Variants in IRX4 observed in about 807,000 individuals in gnomAD.
IRX4 encodes the protein iroquois homeobox 4.
A neutral mutation model predicts 32.0 loss-of-function variants in IRX4; 22 were observed. That is an observed-to-expected ratio of 0.69 (90% CI 0.49 to 0.98). The LOEUF (loss-of-function observed/expected upper bound fraction) is 0.98, where lower values mean the gene tolerates loss of function less well. Ranked by LOEUF, IRX4 falls within the 50% of genes least tolerant of loss-of-function variation. The pLI is 0.00. For synonymous variants in IRX4, 379 were observed against 351.7 expected (o/e 1.08, Z -0.87); for missense variants, 840 against 744.2 (o/e 1.13, Z -1.50).
rs1029622391 is a variant in IRX4, at chr5:1,881,974, T to G, written c.131A>C (p.Gln44Pro). Residue 44 changes from glutamine (Q) to proline (P), a missense_variant, in exon 2 of 5, where the codon CAG becomes CCG. By Grantham distance (76) the Gln-to-Pro change is moderately conservative. This residue lies in a region of IRX4 where 241 missense variants were observed against 220.8 expected (regional missense o/e 1.09). Coordinates refer to ENST00000231357, the MANE Select transcript of IRX4 (RefSeq NM_016358.3). ...GTAGACCGGGCAGTAGACCGGCGCC[T>G]GGGCCGAGGCGGCGGGCCCGGAGTC... ...LADSGPAASA[Q>P]APVYCPVYES... The G allele has an allele frequency of 6.4e-7, 1 of 1,554,632 alleles. No homozygotes were observed. Among genetic ancestry groups the G allele is most frequent in the Non-Finnish European group, 8.7e-7 (1 of 1,149,636 alleles).
upstream of IRX4, among the ~76,000 whole-genome samples, chr5:1,883,515 C>T (rs1207170881): frequency 1.3e-5 from 2 of 152,238 alleles, no homozygotes; most frequent in Non-Finnish European, 2.9e-5. Flanking sequence ...GGCCGCAAGA[C>T]AGCCCGCAAG....
Position 1,878,385 on chromosome 5 carries a change from C to A in IRX4, c.1144G>T (p.Ala382Ser), listed in dbSNP as rs570462700. The change falls in exon 5 of 5, where the codon GCC (alanine) becomes TCC (serine). Residue 382 changes from alanine (A) to serine (S), a missense_variant. Transcript: ENST00000231357. ...AACTCAGTCTGGCTCAGGGAGGTGG[C>A]GGCGGCGGCGGCGGCGGTGGCTGTG... ...AHTATAAAAA[A>S]TSLSQTEFPS... The A allele has an allele frequency of 7.1e-4, 1,052 of 1,476,480 alleles. 6 individuals are homozygous for A. The African/African-American group carries it at 0.011, about 16-fold the overall frequency. 91.5% of individuals were successfully genotyped at this position (1,476,480 alleles called of 1,614,324 possible).
chr5:1,883,580 C>G (rs2232370), upstream of IRX4, among the ~76,000 whole-genome samples: 1 of 152,224 alleles, frequency 6.6e-6, no homozygotes, highest in Non-Finnish European at 1.5e-5. Flanking sequence ...AGTTGGAGCC[C>G]GACACCCTGA....
upstream of IRX4, among the ~76,000 whole-genome samples, chr5:1,885,919 C>T (rs946831833): frequency 2.0e-5 from 3 of 152,250 alleles, no homozygotes; most frequent in Admixed American, 6.5e-5. Flanking sequence ...TCTAGGGACC[C>T]CCGGTACTAA....
Position 1,879,796 on chromosome 5 carries a change from G to A in IRX4, c.444C>T (p.Asn148=), listed in dbSNP as rs202153663. The A allele has an allele frequency of 4.3e-5, 69 of 1,614,072 alleles. 1 individual carries two copies. In the South Asian group the frequency reaches 6.6e-4, roughly 15 times the overall value. ...GCGTGCTGGTGGTCTCGCGCGTGGC[G>A]TTCTTGCGCCGCGTGCCGCTGTCCA... is the stretch of plus-strand genomic sequence containing the variant. ...GTMDSGTRRK[N]ATRETTSTLK... is the part of the protein sequence containing the mutation. Residue 148 remains asparagine, a synonymous_variant, in exon 4 of 5, where the codon AAC becomes AAT. Transcript: ENST00000231357.
At chr5:1,882,353 TG>T (rs1735480424) in intron 1 of IRX4, among the ~76,000 whole-genome samples, 1 of 152,160 alleles carries the variant, frequency 6.6e-6, no homozygotes, top group Admixed American at 6.5e-5. Flanking sequence ...AGGACTCCCC[TG>T]GGGCACAGCC....
At position 1,882,665 on chromosome 5, in the gene IRX4, G is replaced by C; in HGVS notation, c.-18C>G. Reference sequence around the variant, plus strand: ...TAGGACATGGCGGGCGCGGCCCGGGGCGGACGGGCGGGGCCTGCAGGGTTC... The same window carrying C: ...TAGGACATGGCGGGCGCGGCCCGGGCCGGACGGGCGGGGCCTGCAGGGTTC... On this transcript the variant is annotated 5_prime_UTR_variant, in exon 1 of 5. Transcript: ENST00000231357. 1 of 1,379,482 alleles carries C rather than the reference G, an allele frequency of 7.2e-7. No homozygotes were observed. Among genetic ancestry groups the C allele is most frequent in the South Asian group, 1.7e-5 (1 of 58,614 alleles). 85.5% of individuals were successfully genotyped at this position (1,379,482 alleles called of 1,614,324 possible). A position where few individuals can be genotyped will look rare whatever the true frequency, so the allele number is the denominator to read the frequency against.
chr5:1,880,733 G>A lies in IRX4; in HGVS notation c.399C>T (p.Pro133=), dbSNP rs893580100. The A allele has an allele frequency of 1.2e-6, 2 of 1,612,140 alleles. No individual in the cohort carries two copies. Among genetic ancestry groups the A allele is most frequent in the African/African-American group, 2.7e-5 (2 of 74,908 alleles). The change falls in exon 3 of 5, where the codon CCC becomes CCT. Residue 133 remains proline, a synonymous_variant. Coordinates refer to ENST00000231357, the MANE Select transcript of IRX4 (RefSeq NM_016358.3). Reference sequence around the variant, plus strand: ...GAGGGGTGGGTCCTCACCTGTCATAGGGGTACTGGCCCAGAGCTGGCTCGT... The same window carrying A: ...GAGGGGTGGGTCCTCACCTGTCATAAGGGTACTGGCCCAGAGCTGGCTCGT... ...YPYEPALGQY[P]YDRYGTMDSG...
chr5:1,886,767 G>A (rs1396889924), upstream of IRX4: 1 of 151,870 alleles, frequency 6.6e-6, no homozygotes, highest in African/African-American at 2.4e-5. Flanking sequence ...CAAACGCAGC[G>A]GCCTCTGGAG....
At position 1,878,677 on chromosome 5, in the gene IRX4, G is replaced by T; in HGVS notation, c.852C>A (p.Gly284=). The T allele has an allele frequency of 6.3e-7, 1 of 1,595,576 alleles. No homozygotes were observed. The highest frequency in any genetic ancestry group is 8.5e-7 in the Non-Finnish European group (1 of 1,171,770). Residue 284 remains glycine (G), a synonymous_variant, in exon 5 of 5, where the codon GGC becomes GGA. Coordinates refer to ENST00000231357, the MANE Select transcript of IRX4 (RefSeq NM_016358.3). Reference sequence around the variant, plus strand: ...GCGCGGCGGGGACGCGCTCCAGACCGCCGTCCAGGGAGTGGAAGGGCGGCT... The same window carrying T: ...GCGCGGCGGGGACGCGCTCCAGACCTCCGTCCAGGGAGTGGAAGGGCGGCT... The part of the protein sequence containing the change: ...ELKPPFHSLD[G]GLERVPAAPD...
chr5:1,881,216 T>A (rs1342554948), intron 2 of IRX4: 6 of 230,106 alleles, frequency 2.6e-5, no homozygotes, highest in Non-Finnish European at 4.9e-5. Flanking sequence ...TGGGATGCAC[T>A]CAAGTGGGGA....
chr5:1,879,422 C>G, intron 4 of IRX4, 82 bp downstream of exon 4: 1 of 1,595,030 alleles, frequency 6.3e-7, no homozygotes, highest in African/African-American at 1.3e-5. Flanking sequence ...GTTTGGGACC[C>G]CCAAGACGTC....
At chr5:1,881,301 A>G (rs1735426667) in intron 2 of IRX4, among the ~76,000 whole-genome samples, 1 of 111,772 alleles carries the variant, frequency 8.9e-6, no homozygotes. Flanking sequence ...GGGAGGAGAG[A>G]AATGGGGAGG....
At chr5:1,881,273 G>A (rs1209084457) in intron 2 of IRX4, among the ~76,000 whole-genome samples, 2 of 143,470 alleles carry the variant, frequency 1.4e-5, no homozygotes, top group Non-Finnish European at 3.0e-5. Flanking sequence ...CGAGGGGATG[G>A]AAGCCAGGAG....
chr5:1,881,069 G>GA (rs1735415513), intron 2 of IRX4: 1 of 83,662 alleles, frequency 1.2e-5, no homozygotes, highest in Non-Finnish European at 2.8e-5. Context: ...GTGGGGGGGG[G>GA]CGGGGGGGAG....
chr5:1,880,841 G>A lies in IRX4; in HGVS notation c.298-7C>T, dbSNP rs1735403187. On this transcript the variant is annotated splice_region_variant and splice_polypyrimidine_tract_variant and intron_variant, in intron 2 of 4. Transcript: ENST00000231357. ...CCTTGGAATCAAAGCTGTTCTGTGGGAGCCAAGAGTCTGGGGTCGCAGTTT... is the reference window on the plus strand; with the variant it reads ...CCTTGGAATCAAAGCTGTTCTGTGGAAGCCAAGAGTCTGGGGTCGCAGTTT... The A allele has an allele frequency of 6.2e-7, 1 of 1,611,010 alleles. No individual in the cohort carries two copies. Among genetic ancestry groups the A allele is most frequent in the Non-Finnish European group, 8.5e-7 (1 of 1,177,784 alleles).
chr5:1,886,573 C>T (rs1735638038), upstream of IRX4, among the ~76,000 whole-genome samples: 1 of 152,174 alleles, frequency 6.6e-6, no homozygotes, highest in Admixed American at 6.5e-5. Flanking sequence ...CCCAACCGCC[C>T]TCCATGGGGG....
chr5:1,884,301 C>T (rs1735559896), upstream of IRX4: 1 of 152,268 alleles, frequency 6.6e-6, no homozygotes, highest in African/African-American at 2.4e-5. Flanking sequence ...CTGTGAATCG[C>T]CCCAGGGTCA....
At chr5:1,879,999 G>T (rs1735373919) in intron 3 of IRX4, 167 bp from the exon 4 acceptor site, 5 of 1,500,052 alleles carry the variant, frequency 3.3e-6, no homozygotes, top group Admixed American at 2.0e-5. Context: ...CCCCAACCAG[G>T]TGCCGCTGCC....
Sources: allele counts gnomAD v4.1 joint callset (sites outside exome capture counted in the v4.1 genomes callset), GRCh38; gene constraint gnomAD v4.1.1; regional missense constraint gnomAD v4.1.1; transcripts MANE v1.5; gene names NCBI Gene and HGNC (gene_info 2026-07-23, HGNC 2026-07-21).